JAKMIP2: variants seen among roughly 807,000 people sequenced by gnomAD.
JAKMIP2 encodes janus kinase and microtubule-interacting protein 2.
In JAKMIP2, 25 loss-of-function variants were observed where a neutral mutation model predicts 115.0. The observed-to-expected ratio is 0.22, with a 90% CI of 0.16 to 0.30. The LOEUF (loss-of-function observed/expected upper bound fraction) is 0.30, where lower values mean the gene tolerates loss of function less well. Ranked by LOEUF, JAKMIP2 falls within the 10% of genes least tolerant of loss-of-function variation. The pLI is 1.00. For missense variants in JAKMIP2, 642 were observed against 957.6 expected (o/e 0.67, Z 4.35); for synonymous variants, 334 against 343.6 (o/e 0.97, Z 0.31).
chr5:147,741,813 G>C (rs1754149404), intron 1 of JAKMIP2, among the ~76,000 whole-genome samples: 1 of 152,040 alleles, frequency 6.6e-6, no homozygotes, highest in South Asian at 2.1e-4. Context: ...CCTTCATAAA[G>C]TATGGGGACA....
chr5:147,760,461 A>G (rs1754894185), intron 1 of JAKMIP2, among the ~76,000 whole-genome samples: 1 of 151,948 alleles, frequency 6.6e-6, no homozygotes, highest in African/African-American at 2.4e-5. Flanking sequence ...AGGGAAAGCC[A>G]TTAATAAGAA....
chr5:147,729,981 C>T (rs1753667561), intron 1 of JAKMIP2, among the ~76,000 whole-genome samples: 1 of 152,054 alleles, frequency 6.6e-6, no homozygotes, highest in South Asian at 2.1e-4. Flanking sequence ...CCTTTCTAAA[C>T]CTCACTTTCC....
chr5:147,642,762 AT>A (rs1469620880), intron 7 of JAKMIP2, among the ~76,000 whole-genome samples: 1 of 151,646 alleles, frequency 6.6e-6, no homozygotes, highest in Non-Finnish European at 1.5e-5. Flanking sequence ...TGTCAATTTG[AT>A]TGGATTGAAG....
rs189108781 is a variant in JAKMIP2, at chr5:147,688,689, A to G, written c.-148-16735T>C. On this transcript the variant is annotated intron_variant, in intron 1 of 21. Coordinates refer to ENST00000616793, the MANE Select transcript of JAKMIP2 (RefSeq NM_001270941.2). ...TAGGGCCCATTCTCTCAACCGCATC[A>G]CTATAGTCCCACCCTTAAAGGATGG... 2.6e-5 allele frequency among the ~76,000 whole-genome samples: 4 copies of G among 152,326 alleles called. No homozygotes were observed. In the East Asian group the frequency reaches 5.8e-4, roughly 22 times the overall value.
chr5:147,678,583 C>T lies in JAKMIP2; in HGVS notation c.-148-6629G>A, dbSNP rs1760096824. On this transcript the variant is annotated intron_variant, in intron 1 of 21. Transcript: ENST00000616793. The stretch of plus-strand genomic sequence containing the variant: ...GGTTATTCTGAATAATAGCATTATT[C>T]TTTTTGAATGACAAACACTGCAATA... 2.6e-5 allele frequency among the ~76,000 whole-genome samples: 4 copies of T among 151,816 alleles called. No individual in the cohort carries two copies. In the South Asian group the frequency reaches 8.3e-4, roughly 32 times the overall value.
intron 12 of JAKMIP2, 121 bp from the exon 13 acceptor site, chr5:147,632,899 CA>C: frequency 1.6e-6 from 1 of 621,438 alleles, no homozygotes; most frequent in East Asian, 2.7e-5. Context: ...AAAAAATCCC[CA>C]AATAGATGTG....
intron 1 of JAKMIP2, among the ~76,000 whole-genome samples, chr5:147,745,166 AC>A (rs1460616349): frequency 2.0e-5 from 3 of 151,972 alleles, no homozygotes; most frequent in East Asian, 3.9e-4. Flanking sequence ...GAAAACATCA[AC>A]AAACCGACCT....
At chr5:147,609,942 C>T (rs890844901) in intron 20 of JAKMIP2, among the ~76,000 whole-genome samples, 1 of 152,124 alleles carries the variant, frequency 6.6e-6, no homozygotes, top group Admixed American at 6.6e-5. Context: ...GTTGATCAAT[C>T]TCTGTTATCC....
intron 11 of JAKMIP2, 148 bp from the exon 12 acceptor site, chr5:147,636,432 C>A (rs1757617094): frequency 4.8e-6 from 3 of 620,046 alleles, no homozygotes; most frequent in South Asian, 2.0e-5. Context: ...CCTGCCAGCT[C>A]CTTCAAAGAA....
intron 2 of JAKMIP2, among the ~76,000 whole-genome samples, chr5:147,664,701 C>G (rs563294606): frequency 2.9e-3 from 441 of 152,100 alleles, no homozygotes; most frequent in Non-Finnish European, 5.3e-3. Flanking sequence ...TTTTTTTGCC[C>G]ACTTGTCTGT....
intron 1 of JAKMIP2, among the ~76,000 whole-genome samples, chr5:147,776,298 C>T (rs1336157175): frequency 1.3e-5 from 2 of 152,198 alleles, no homozygotes; most frequent in Non-Finnish European, 2.9e-5. Context: ...TTGGGGGTGG[C>T]TTTCCCCATT....
intron 21 of JAKMIP2, among the ~76,000 whole-genome samples, chr5:147,595,018 G>A (rs574996767): frequency 2.0e-5 from 3 of 152,206 alleles, no homozygotes; most frequent in Admixed American, 1.3e-4. Context: ...GGGAAATGTG[G>A]TCCCAGAAGA....
chr5:147,767,857 T>C (rs1318199120), intron 1 of JAKMIP2, among the ~76,000 whole-genome samples: 1 of 152,168 alleles, frequency 6.6e-6, no homozygotes, highest in Non-Finnish European at 1.5e-5. Flanking sequence ...TGTTTTCTAA[T>C]AGTTACTAAG....
Position 147,742,155 on chromosome 5 carries a change from A to ATATATATATATATATATATATATATATAT in JAKMIP2, c.-149+40300_-149+40301insATATATATATATATATATATATATATATA. On this transcript the variant is annotated intron_variant, in intron 1 of 21. Coordinates refer to ENST00000616793, the MANE Select transcript of JAKMIP2 (RefSeq NM_001270941.2). ...TGTGGATCATTATATATATATATATATTTTTTTTACTATTGTATTGTATCT... is the reference window on the plus strand; with the variant it reads ...TGTGGATCATTATATATATATATATATATATATATATATATATATATATATATATTTTTTTTTACTATTGTATTGTATCT... Among the ~76,000 whole-genome samples the ATATATATATATATATATATATATATATAT allele has an allele frequency of 1.5e-3, 159 of 108,802 alleles. 6 individuals carry two copies. Among genetic ancestry groups the ATATATATATATATATATATATATATATAT allele is most frequent in the African/African-American group, 5.7e-3 (151 of 26,356 alleles). 71.4% of individuals were successfully genotyped at this position (108,802 alleles called of 152,430 possible). A position where few individuals can be genotyped will look rare whatever the true frequency, so the allele number is the denominator to read the frequency against.
intron 3 of JAKMIP2, among the ~76,000 whole-genome samples, chr5:147,652,617 A>G (rs1012979802): frequency 6.6e-6 from 1 of 152,224 alleles, no homozygotes; most frequent in African/African-American, 2.4e-5. Flanking sequence ...TGCGCTATCA[A>G]AAAAGTTTCC....
At position 147,599,514 on chromosome 5, in the gene JAKMIP2, T is replaced by C. The variant is rs75216233; in HGVS notation, c.*20+2227A>G. ...ATTAATTATCATTATAGTCATTCAC[T>C]TAACAGACAATTACTAAGTGTCATT... On this transcript the variant is annotated intron_variant, in intron 21 of 21. Coordinates refer to ENST00000616793, the MANE Select transcript of JAKMIP2 (RefSeq NM_001270941.2). Among the ~76,000 whole-genome samples, 6 of 152,340 alleles carry C rather than the reference T, an allele frequency of 3.9e-5. No homozygotes were observed. The East Asian group carries it at 1.2e-3, about 29-fold the overall frequency.
At chr5:147,764,373 G>A (rs866548668) in intron 1 of JAKMIP2, among the ~76,000 whole-genome samples, 1 of 151,962 alleles carries the variant, frequency 6.6e-6, no homozygotes. Context: ...AGGTCTGAAT[G>A]TGCTGGGCTA....
intron 15 of JAKMIP2, 111 bp from the exon 16 acceptor site, chr5:147,628,927 CTT>C: frequency 1.5e-6 from 1 of 669,300 alleles, no homozygotes; most frequent in Non-Finnish European, 2.6e-6. Context: ...TGTATAGAAA[CTT>C]AACAAATTCC....
chr5:147,723,843 C>T (rs1166602197), intron 1 of JAKMIP2, among the ~76,000 whole-genome samples: 1 of 152,136 alleles, frequency 6.6e-6, no homozygotes, highest in East Asian at 1.9e-4. Flanking sequence ...GACACATTAA[C>T]ACTTTACAAA....
Sources: gnomAD v4.1 joint callset for allele counts (sites outside exome capture counted in the v4.1 genomes callset) on GRCh38, gnomAD v4.1.1 for gene constraint, MANE v1.5 for transcripts, NCBI Gene and HGNC (gene_info 2026-07-23, HGNC 2026-07-21) for gene names.